The following DYNC2I1 variants were observed in gnomAD, a reference collection of about 807,000 sequenced individuals.
DYNC2I1 encodes dynein 2 intermediate chain 1, also known as cytoplasmic dynein 2 intermediate chain 1.
A neutral mutation model predicts 133.4 loss-of-function variants in DYNC2I1; 89 were observed. The observed-to-expected ratio is 0.67, with a 90% CI of 0.56 to 0.80. DYNC2I1 has a LOEUF of 0.80. DYNC2I1 is among the 30% of genes least tolerant of loss of function. DYNC2I1 has a pLI of 0.00. For missense variants in DYNC2I1, 1,291 were observed against 1,314.5 expected, an observed-to-expected ratio of 0.98 and a Z score of 0.28; for synonymous variants, 504 against 484.3, an observed-to-expected ratio of 1.04 and a Z score of -0.54.
intron 14 of DYNC2I1, among the ~76,000 whole-genome samples, chr7:158,915,443 A>G: frequency 1.3e-5 from 2 of 150,662 alleles, no homozygotes. Context: ...GTTGAGATTA[A>G]GGATGATTGT....
chr7:158,923,497 T>C, intron 16 of DYNC2I1, 74 bp from the exon 17 acceptor site: 1 of 1,606,676 alleles, frequency 6.2e-7, no homozygotes, highest in Non-Finnish European at 8.5e-7. Context: ...GACACCCCAC[T>C]CAGTAAATGC....
chr7:158,942,282 A>G, intron 24 of DYNC2I1, 134 bp downstream of exon 24: 1 of 674,170 alleles, frequency 1.5e-6, no homozygotes, highest in Non-Finnish European at 2.4e-6. Context: ...AAATTTAAAT[A>G]ATATGTTCAG....
intron 14 of DYNC2I1, among the ~76,000 whole-genome samples, chr7:158,915,450 T>C (rs1383973368): frequency 5.3e-5 from 8 of 150,322 alleles, no homozygotes; most frequent in African/African-American, 1.7e-4. Flanking sequence ...TTAAGGATGA[T>C]TGTGAAACGT....
chr7:158,864,337 C>T (rs1470079157), intron 1 of DYNC2I1, among the ~76,000 whole-genome samples: 3 of 151,922 alleles, frequency 2.0e-5, no homozygotes, highest in African/African-American at 7.3e-5. Context: ...AGGGTTGGGC[C>T]GCGGTGTCTC....
intron 11 of DYNC2I1, among the ~76,000 whole-genome samples, chr7:158,909,330 C>CAAA (rs66565045): frequency 9.6e-4 from 45 of 46,720 alleles, no homozygotes; most frequent in Middle Eastern, 0.013. Context: ...GACTCTGTCT[C>CAAA]AAAAAAAAAA....
chr7:158,914,057 A>C (rs898166456), intron 13 of DYNC2I1, among the ~76,000 whole-genome samples, 176 bp from the exon 14 acceptor site: 8 of 152,180 alleles, frequency 5.3e-5, no homozygotes, highest in African/African-American at 1.9e-4. Flanking sequence ...AACAATATGC[A>C]GTTGTTTTGG....
Position 158,875,593 on chromosome 7 carries a change from G to T in DYNC2I1, c.491-1016G>T, listed in dbSNP as rs3850491. Reference sequence around the variant, plus strand: ...TACCTGCCTGGCTCTGTTTGCCCCCGGTCTCTCTTGCAGGTCATACTGGGC... The same window carrying T: ...TACCTGCCTGGCTCTGTTTGCCCCCTGTCTCTCTTGCAGGTCATACTGGGC... On this transcript the variant is annotated intron_variant, in intron 3 of 24. Transcript: ENST00000407559. 2.6e-3 allele frequency among the ~76,000 whole-genome samples: 394 copies of T among 152,214 alleles called. 7 individuals are homozygous for T. The South Asian group carries it at 0.04, about 15-fold the overall frequency.
intron 5 of DYNC2I1, among the ~76,000 whole-genome samples, chr7:158,882,788 A>G (rs1158658892): frequency 6.6e-6 from 1 of 151,596 alleles, no homozygotes. Context: ...AGGCAGGAGA[A>G]TTGCTTGAAC....
chr7:158,860,383 C>A (rs1027818088), intron 1 of DYNC2I1, among the ~76,000 whole-genome samples: 2 of 152,150 alleles, frequency 1.3e-5, no homozygotes, highest in Admixed American at 6.6e-5. Context: ...TAGTATACAC[C>A]AAGCATTTCT....
rs927401446 is a variant in DYNC2I1, at chr7:158,870,402, G to A, written c.69+494G>A. 2.6e-5 allele frequency among the ~76,000 whole-genome samples: 4 copies of A among 151,972 alleles called. 1 individual carries two copies. Among genetic ancestry groups the A allele is most frequent in the South Asian group, 2.1e-4 (1 of 4,800 alleles). On this transcript the variant is annotated intron_variant, in intron 2 of 24. Transcript: ENST00000407559. ...AGGGTCTTACCGTTTTGCCTAGGCCGGAGTGCAGTGGCGAAATCATAGCCC... is the reference window on the plus strand; with the variant it reads ...AGGGTCTTACCGTTTTGCCTAGGCCAGAGTGCAGTGGCGAAATCATAGCCC...
Position 158,913,065 on chromosome 7 carries a change from G to C in DYNC2I1, c.1671G>C (p.Gln557His), listed in dbSNP as rs1018246932. 6 of 1,613,332 alleles carry C rather than the reference G, an allele frequency of 3.7e-6. No homozygotes were observed. In the African/African-American group the frequency reaches 8.0e-5, roughly 22 times the overall value. The change falls in exon 13 of 25, where the codon CAG becomes CAC. Residue 557 changes from glutamine to histidine, a missense_variant. Physicochemically the swap from Gln to His is conservative, Grantham distance 24 (BLOSUM62 0). Coordinates refer to ENST00000407559, the MANE Select transcript of DYNC2I1 (RefSeq NM_018051.5). ...EEIETREVWT[Q>H]HPGESTVVSG... The stretch of plus-strand genomic sequence containing the variant: ...TAGAGACCAGGGAAGTGTGGACCCA[G>C]CACCCGGGAGAAAGTACTGTTGTAT...
downstream of DYNC2I1, among the ~76,000 whole-genome samples, chr7:158,947,984 A>G (rs1851940259): frequency 6.6e-6 from 1 of 152,174 alleles, no homozygotes; most frequent in Non-Finnish European, 1.5e-5. Context: ...GTTCGTGAAG[A>G]AAGAAACATC....
intron 19 of DYNC2I1, 127 bp downstream of exon 19, chr7:158,926,590 C>T: frequency 4.7e-6 from 5 of 1,055,764 alleles, no homozygotes; most frequent in Non-Finnish European, 2.8e-6. Context: ...CAAGACTGGG[C>T]TTCTTGGTCC....
chr7:158,874,549 CTT>C (rs1169065494), intron 3 of DYNC2I1, among the ~76,000 whole-genome samples: 1 of 152,182 alleles, frequency 6.6e-6, no homozygotes, highest in African/African-American at 2.4e-5. Context: ...ACTGGAAAGA[CTT>C]TTGAAAACTG....
chr7:158,889,717 A>C (rs1050657738), intron 7 of DYNC2I1, among the ~76,000 whole-genome samples: 1 of 152,024 alleles, frequency 6.6e-6, no homozygotes, highest in African/African-American at 2.4e-5. Context: ...CAAAATTAAC[A>C]AAAAGGCCAG....
chr7:158,876,526 A>T (rs922280629), intron 3 of DYNC2I1, 83 bp from the exon 4 acceptor site: 39 of 1,474,660 alleles, frequency 2.6e-5, no homozygotes, highest in Non-Finnish European at 3.4e-5. Flanking sequence ...AAAATGTGCA[A>T]TACCATCCAT....
intron 8 of DYNC2I1, among the ~76,000 whole-genome samples, chr7:158,892,099 C>T (rs978179870): frequency 3.9e-5 from 6 of 152,178 alleles, no homozygotes; most frequent in Non-Finnish European, 5.9e-5. Context: ...GTGTCTGCTG[C>T]GTACTCCACT....
chr7:158,876,313 A>G (rs909740186), intron 3 of DYNC2I1, among the ~76,000 whole-genome samples: 1 of 151,752 alleles, frequency 6.6e-6, no homozygotes, highest in African/African-American at 2.4e-5. Context: ...TGATCCAGTC[A>G]CCTCCCACCA....
At chr7:158,948,299 C>G (rs556958285), downstream of DYNC2I1, among the ~76,000 whole-genome samples, 11 of 152,358 alleles carry the variant, frequency 7.2e-5, no homozygotes, top group Non-Finnish European at 1.3e-4. Context: ...CCAAGCCCAC[C>G]CTGGTGCCTT....
Sources: allele counts gnomAD v4.1 joint callset (sites outside exome capture counted in the v4.1 genomes callset), GRCh38; gene constraint gnomAD v4.1.1; transcripts MANE v1.5; gene names NCBI Gene and HGNC (gene_info 2026-07-23, HGNC 2026-07-21).